Variants in TDRD5 observed in about 807,000 individuals in gnomAD.
The protein encoded by TDRD5 is tudor domain-containing protein 5.
In TDRD5, 41 loss-of-function variants were observed where a neutral mutation model predicts 120.6. The observed-to-expected ratio is 0.34, with a 90% CI of 0.26 to 0.44. The LOEUF (loss-of-function observed/expected upper bound fraction) is 0.44. TDRD5 is among the 20% of genes least tolerant of loss of function. The pLI, the probability that TDRD5 is intolerant of heterozygous loss-of-function variation, is 1.00. For missense variants in TDRD5, 1,006 were observed against 1,221.2 expected, an observed-to-expected ratio of 0.82 and a Z score of 2.63; for synonymous variants, 430 against 433.7, an observed-to-expected ratio of 0.99 and a Z score of 0.11.
chr1:179,598,459 A>G (rs1360185336), intron 4 of TDRD5, among the ~76,000 whole-genome samples: 1 of 152,170 alleles, frequency 6.6e-6, no homozygotes, highest in Non-Finnish European at 1.5e-5. Flanking sequence ...GTTTGGGGGG[A>G]AAATGACATC....
chr1:179,671,107 T>C (rs1465206597), intron 17 of TDRD5, among the ~76,000 whole-genome samples: 1 of 152,234 alleles, frequency 6.6e-6, no homozygotes, highest in Non-Finnish European at 1.5e-5. Context: ...TTGAAAAGAC[T>C]ATCTCCAGTA....
At chr1:179,645,514 G>C (rs1678308043) in intron 11 of TDRD5, among the ~76,000 whole-genome samples, 2 of 152,194 alleles carry the variant, frequency 1.3e-5, no homozygotes, top group African/African-American at 4.8e-5. Flanking sequence ...GTCCAGTATA[G>C]TGTCACTTTT....
chr1:179,662,083 T>C, intron 14 of TDRD5, 21 bp from the exon 15 acceptor site: 1 of 1,510,864 alleles, frequency 6.6e-7, no homozygotes. Flanking sequence ...TAGTTTTTCT[T>C]TGTCTTCTGT....
At chr1:179,620,535 A>G (rs577683783) in intron 5 of TDRD5, among the ~76,000 whole-genome samples, 16 of 152,270 alleles carry the variant, frequency 1.1e-4, no homozygotes, top group African/African-American at 3.8e-4. Context: ...CTTTGGTATG[A>G]TATTTAAAAG....
intron 6 of TDRD5, among the ~76,000 whole-genome samples, 177 bp from the exon 7 acceptor site, chr1:179,630,590 G>A (rs1677380091): frequency 6.6e-6 from 1 of 152,170 alleles, no homozygotes; most frequent in Non-Finnish European, 1.5e-5. Context: ...AAGTTTTATA[G>A]TAAGGGATTA....
chr1:179,618,058 T>C (rs1366193399), intron 4 of TDRD5, among the ~76,000 whole-genome samples: 1 of 152,180 alleles, frequency 6.6e-6, no homozygotes, highest in Non-Finnish European at 1.5e-5. Context: ...GCAGGAGCTA[T>C]CAGATTTTAA....
Position 179,669,205 on chromosome 1 carries a change from A to G in TDRD5, c.2661A>G (p.Ile887Met), listed in dbSNP as rs756548033. Residue 887 changes from isoleucine (I) to methionine (M), a missense_variant, in exon 17 of 18, where the codon ATA (isoleucine) becomes ATG (methionine). Ile to Met is a conservative substitution (Grantham distance 10). Around this residue, in one of 3 missense-constraint regions of TDRD5, gnomAD observed 403 missense variants for 448.1 expected, o/e 0.90. Transcript: ENST00000444136. ...GTNRTQKQLD[I>M]NGSSDSSTLP... Reference sequence around the variant, plus strand: ...TTCCCATTCTGCAGCAACTAGACATAAATGGTTCTTCAGATTCTTCCACAC... The same window carrying G: ...TTCCCATTCTGCAGCAACTAGACATGAATGGTTCTTCAGATTCTTCCACAC... 2.4e-5 allele frequency: 39 copies of G among 1,613,462 alleles called. No individual in the cohort carries two copies. The East Asian group carries it at 8.2e-4, about 34-fold the overall frequency.
chr1:179,602,857 C>A (rs904595263), intron 4 of TDRD5, among the ~76,000 whole-genome samples: 5 of 151,958 alleles, frequency 3.3e-5, no homozygotes, highest in African/African-American at 1.2e-4. Flanking sequence ...TTTGGCTATG[C>A]GGGCTCTTTT....
chr1:179,674,639 G>T (rs1280338868), intron 17 of TDRD5, among the ~76,000 whole-genome samples: 2 of 152,106 alleles, frequency 1.3e-5, no homozygotes, highest in Non-Finnish European at 2.9e-5. Context: ...TTAAATGTGT[G>T]ATAGAATTCA....
At position 179,691,023 on chromosome 1, in the gene TDRD5, T is replaced by C; in HGVS notation, c.*80T>C. The C allele has an allele frequency of 6.6e-7, 1 of 1,509,612 alleles. No homozygotes were observed. Among genetic ancestry groups the C allele is most frequent in the Non-Finnish European group, 8.8e-7 (1 of 1,135,904 alleles). The allele number at this position is 1,509,612 out of a possible 1,614,324, so 93.5% of individuals were successfully genotyped here. A position where few individuals can be genotyped will look rare whatever the true frequency, so the allele number is the denominator to read the frequency against. On this transcript the variant is annotated 3_prime_UTR_variant, in exon 18 of 18. Coordinates refer to ENST00000444136, the MANE Select transcript of TDRD5 (RefSeq NM_001199085.3). ...CTCCCAGGCCAAAATGAGGAGTTAT[T>C]GAAGCAAAATAGTATCTTGATCATT...
intron 7 of TDRD5, among the ~76,000 whole-genome samples, 198 bp downstream of exon 7, chr1:179,631,118 G>A (rs1677420130): frequency 6.6e-6 from 1 of 152,160 alleles, no homozygotes; most frequent in Admixed American, 6.5e-5. Context: ...TGGGCCGGGT[G>A]CAGTGGCTCA....
At position 179,609,834 on chromosome 1, in the gene TDRD5, T is replaced by C. The variant is rs754957332; in HGVS notation, c.832-8765T>C. 2.3e-4 allele frequency among the ~76,000 whole-genome samples: 35 copies of C among 152,298 alleles called. 1 individual carries two copies. The highest frequency in any genetic ancestry group is 6.8e-3 in the Middle Eastern group (2 of 294). On this transcript the variant is annotated intron_variant, in intron 4 of 17. Coordinates refer to ENST00000444136, the MANE Select transcript of TDRD5 (RefSeq NM_001199085.3). ...CTCCACTTGCGCAAATCAGTACTCA[T>C]CTAGAAACTTAAGGGAGTTCCTCTG...
Position 179,630,891 on chromosome 1 carries a change from T to G in TDRD5, c.1097T>G (p.Phe366Cys). The G allele has an allele frequency of 6.2e-7, 1 of 1,613,582 alleles. No homozygotes were observed. The highest frequency in any genetic ancestry group is 8.5e-7 in the Non-Finnish European group (1 of 1,179,714). ...FRKGHQDLLV[F>C]DADKKPLPPV... ...AAAGGACACCAAGACTTACTAGTGT[T>G]TGATGCGGATAAGAAGCCTCTACCA... is the stretch of plus-strand genomic sequence containing the variant. Residue 366 changes from phenylalanine to cysteine, a missense_variant, in exon 7 of 18, where the codon TTT (phenylalanine) becomes TGT (cysteine). Physicochemically the swap from Phe to Cys is radical, Grantham distance 205. This residue lies in a region of TDRD5 where 445 missense variants were observed against 515.5 expected (regional missense o/e 0.86). Coordinates refer to ENST00000444136, the MANE Select transcript of TDRD5 (RefSeq NM_001199085.3).
intron 4 of TDRD5, among the ~76,000 whole-genome samples, chr1:179,613,646 GT>G (rs1313813711): frequency 6.6e-6 from 1 of 152,108 alleles, no homozygotes; most frequent in Non-Finnish European, 1.5e-5. Context: ...CTTTCATTGT[GT>G]CCCCACAATG....
intron 4 of TDRD5, among the ~76,000 whole-genome samples, chr1:179,613,946 A>G (rs1558379769): frequency 6.6e-6 from 1 of 152,232 alleles, no homozygotes; most frequent in Non-Finnish European, 1.5e-5. Context: ...GTTTTCCCAT[A>G]TGGCCAAAAG....
At position 179,656,229 on chromosome 1, in the gene TDRD5, A is replaced by T. The variant is rs550541372; in HGVS notation, c.2322+1867A>T. On this transcript the variant is annotated intron_variant, in intron 14 of 17. Coordinates refer to ENST00000444136, the MANE Select transcript of TDRD5 (RefSeq NM_001199085.3). ...ATGTGCTTAGTTGTCATCTATACAC[A>T]ATTCTTGGTGAAATTTCTGTTGAAG... is the stretch of plus-strand genomic sequence containing the variant. 2.8e-4 allele frequency among the ~76,000 whole-genome samples: 43 copies of T among 152,290 alleles called. 1 individual carries two copies. Among genetic ancestry groups the T allele is most frequent in the Non-Finnish European group, 4.7e-4 (32 of 68,020 alleles).
intron 16 of TDRD5, among the ~76,000 whole-genome samples, chr1:179,664,235 T>C (rs1239319569): frequency 6.6e-6 from 1 of 152,178 alleles, no homozygotes; most frequent in Non-Finnish European, 1.5e-5. Flanking sequence ...GCTTACTTAA[T>C]GCATGAATTT....
Position 179,626,539 on chromosome 1 carries a change from C to G in TDRD5, c.973-4228C>G, listed in dbSNP as rs372247461. 8.5e-5 allele frequency among the ~76,000 whole-genome samples: 13 copies of G among 152,212 alleles called. No homozygotes were observed. In the East Asian group the frequency reaches 1.7e-3, roughly 20 times the overall value. On this transcript the variant is annotated intron_variant, in intron 6 of 17. Coordinates refer to ENST00000444136, the MANE Select transcript of TDRD5 (RefSeq NM_001199085.3). ...GCATTTCACTGCGTGTAAATTTTAC[C>G]TAAAAGTGAACAGATACTGATTTCT...
chr1:179,619,343 C>A (rs1431458230), intron 5 of TDRD5, among the ~76,000 whole-genome samples: 1 of 152,068 alleles, frequency 6.6e-6, no homozygotes, highest in Non-Finnish European at 1.5e-5. Flanking sequence ...CTGTTTATGT[C>A]ATTAGTCTTA....
Sources: allele counts gnomAD v4.1 joint callset (sites outside exome capture counted in the v4.1 genomes callset), GRCh38; gene constraint gnomAD v4.1.1; regional missense constraint gnomAD v4.1.1; transcripts MANE v1.5; gene names NCBI Gene and HGNC (gene_info 2026-07-23, HGNC 2026-07-21).